The following MTDH variants were observed in gnomAD, a reference collection of about 807,000 sequenced individuals.
The protein encoded by MTDH is metadherin.
A neutral mutation model predicts 72.7 loss-of-function variants in MTDH; 34 were observed. The observed-to-expected ratio is 0.47, with a 90% CI of 0.36 to 0.62. The LOEUF is 0.62. Among genes scored for constraint, MTDH ranks in the 20% least tolerant of loss-of-function variants. MTDH has a pLI of 0.00. For synonymous variants in MTDH, 266 were observed against 268.9 expected (o/e 0.99, Z 0.10); for missense variants, 677 against 699.4 (o/e 0.97, Z 0.36).
intron 2 of MTDH, among the ~76,000 whole-genome samples, chr8:97,683,045 CTTTTTTTTTTTTTTTTTTTTTTTTT>C (rs71271144): frequency 4.5e-5 from 2 of 44,338 alleles, no homozygotes; most frequent in African/African-American, 8.3e-5. Flanking sequence ...CTCTTAGACA[CTTTTTTTTTTTTTTTTTTTTTTTTT>C]TTTTTTTTTT....
chr8:97,676,232 A>G (rs1448122127), intron 2 of MTDH, among the ~76,000 whole-genome samples: 1 of 152,104 alleles, frequency 6.6e-6, no homozygotes, highest in Non-Finnish European at 1.5e-5. Flanking sequence ...GAGCCATTGC[A>G]CCTGGCCACA....
rs1476980174 is a variant in MTDH at position 97,699,795 on chromosome 8, T to C, written c.1090T>C (p.Tyr364His). 1 of 1,613,382 alleles carries C rather than the reference T, an allele frequency of 6.2e-7. No individual in the cohort carries two copies. Among genetic ancestry groups the C allele is most frequent in the Non-Finnish European group, 8.5e-7 (1 of 1,179,470 alleles). ...AGTTTCTCAGTCTACCACTTCTGAT[T>C]ATCAGTGGGATGTTAGCCGTAATCA... ...EPVSQSTTSD[Y>H]QWDVSRNQPY... is the part of the protein sequence containing the mutation. Residue 364 changes from tyrosine to histidine, a missense_variant, in exon 7 of 12, where the codon TAT (tyrosine) becomes CAT (histidine). By Grantham distance (83) the Tyr-to-His change is moderately conservative. Around this residue, in one of 3 missense-constraint regions of MTDH, gnomAD observed 467 missense variants for 469.1 expected, o/e 1.00. Transcript: ENST00000336273.
chr8:97,674,375 G>A (rs1025141931), intron 2 of MTDH, among the ~76,000 whole-genome samples: 4 of 152,220 alleles, frequency 2.6e-5, no homozygotes, highest in Non-Finnish European at 5.9e-5. Context: ...ATTTGTGACA[G>A]TTTTCACACT....
intron 2 of MTDH, among the ~76,000 whole-genome samples, chr8:97,685,139 C>T (rs1191963323): frequency 1.3e-5 from 2 of 151,404 alleles, no homozygotes; most frequent in Non-Finnish European, 2.9e-5. Flanking sequence ...AATTGTGTAC[C>T]TTTAAAAGGG....
intron 10 of MTDH, among the ~76,000 whole-genome samples, chr8:97,721,698 G>A (rs750161016): frequency 6.6e-6 from 1 of 152,152 alleles, no homozygotes; most frequent in Non-Finnish European, 1.5e-5. Context: ...AATTACTGAC[G>A]TTCTTATCAT....
In MTDH at chr8:97,644,517, G is replaced by A. The variant is rs1811477889; in HGVS notation, c.11G>A (p.Arg4Gln). ...CTGACGGGAGGGAAGATGGCTGCAC[G>A]GAGCTGGCAGGACGAGCTGGCCCAG... MAA[R>Q]SWQDELAQQA... The change falls in exon 1 of 12, where the codon CGG becomes CAG. Residue 4 changes from arginine to glutamine, a missense_variant. Coordinates refer to ENST00000336273, the MANE Select transcript of MTDH (RefSeq NM_178812.4). 1 of 1,584,434 alleles carries A rather than the reference G, an allele frequency of 6.3e-7. No individual in the cohort carries two copies. The highest frequency in any genetic ancestry group is 8.5e-7 in the Non-Finnish European group (1 of 1,171,542).
intron 2 of MTDH, among the ~76,000 whole-genome samples, chr8:97,682,796 CTT>C (rs1813189284): frequency 1.3e-5 from 2 of 151,902 alleles, no homozygotes; most frequent in South Asian, 4.2e-4. Context: ...TTAACAGACT[CTT>C]TTCACCTTTT....
At chr8:97,698,982 A>T (rs924215090) in intron 6 of MTDH, among the ~76,000 whole-genome samples, 2 of 151,666 alleles carry the variant, frequency 1.3e-5, no homozygotes, top group Non-Finnish European at 2.9e-5. Flanking sequence ...TCTACGAAAA[A>T]TTTTTTAAAA....
intron 1 of MTDH, among the ~76,000 whole-genome samples, chr8:97,651,851 C>G (rs1432837473): frequency 6.6e-6 from 1 of 152,112 alleles, no homozygotes; most frequent in African/African-American, 2.4e-5. Context: ...CCTATTATTT[C>G]TTGCCTTCTC....
intron 8 of MTDH, among the ~76,000 whole-genome samples, chr8:97,712,979 T>C (rs1157027222): frequency 3.3e-5 from 5 of 152,248 alleles, no homozygotes; most frequent in Admixed American, 6.5e-5. Flanking sequence ...GCTTGTTATT[T>C]CATTCCTTAA....
chr8:97,681,650 C>T (rs1351671822), intron 2 of MTDH, among the ~76,000 whole-genome samples: 2 of 151,926 alleles, frequency 1.3e-5, no homozygotes, highest in Middle Eastern at 3.4e-3. Flanking sequence ...TGCACCAGCA[C>T]GCTTGGCTGA....
Position 97,686,673 on chromosome 8 carries a change from G to GA in MTDH, c.494dup (p.Asn165LysfsTer2). On this transcript the variant is annotated frameshift_variant, in exon 3 of 12. Transcript: ENST00000336273. LOFTEE classifies it high-confidence loss of function. ...ACATTCTATTTTACTTTCAGTCAAA[G>GA]AAAAATAAGAAGAAATCAAAGTCAG... 6.4e-7 allele frequency: 1 copy of GA among 1,555,962 alleles called. No individual in the cohort carries two copies. The highest frequency in any genetic ancestry group is 8.7e-7 in the Non-Finnish European group (1 of 1,152,394).
chr8:97,672,561 A>C (rs143393927), intron 2 of MTDH, among the ~76,000 whole-genome samples: 1 of 152,216 alleles, frequency 6.6e-6, no homozygotes, highest in Admixed American at 6.5e-5. Context: ...TTATCCCTCT[A>C]GACTTTTCTG....
At chr8:97,707,943 A>C (rs1297419334) in intron 8 of MTDH, among the ~76,000 whole-genome samples, 2 of 151,164 alleles carry the variant, frequency 1.3e-5, no homozygotes, top group African/African-American at 4.8e-5. Context: ...AGAAGCCTTT[A>C]ACAAGTGGAT....
chr8:97,687,614 G>A lies in MTDH; in HGVS notation c.745+9G>A, dbSNP rs1813417616. 16 of 1,588,426 alleles carry A rather than the reference G, an allele frequency of 1.0e-5. No homozygotes were observed. In the East Asian group the frequency reaches 1.6e-4, roughly 16 times the overall value. The stretch of plus-strand genomic sequence containing the variant: ...TTCCAAGAAGAATAAAGGTATATTA[G>A]TGGAACATAAGACAGTGGTACATCA... On this transcript the variant is annotated intron_variant, in intron 4 of 11. Coordinates refer to ENST00000336273, the MANE Select transcript of MTDH (RefSeq NM_178812.4).
intron 1 of MTDH, among the ~76,000 whole-genome samples, chr8:97,652,701 CTT>C (rs1811820584): frequency 6.6e-6 from 1 of 152,234 alleles, no homozygotes; most frequent in South Asian, 2.1e-4. Flanking sequence ...AAATTTATCT[CTT>C]AATATATTCC....
intron 7 of MTDH, among the ~76,000 whole-genome samples, chr8:97,701,721 C>T (rs1158351992): frequency 2.0e-5 from 3 of 152,136 alleles, no homozygotes; most frequent in Non-Finnish European, 2.9e-5. Context: ...TGGGTTGAGG[C>T]AGAGGAAAAT....
chr8:97,684,796 G>A (rs1434296510), intron 2 of MTDH, among the ~76,000 whole-genome samples: 1 of 152,172 alleles, frequency 6.6e-6, no homozygotes, highest in African/African-American at 2.4e-5. Context: ...TTTGAGGCTG[G>A]GAGCAGCTCA....
intron 7 of MTDH, among the ~76,000 whole-genome samples, chr8:97,700,341 T>G (rs1423051945): frequency 6.6e-6 from 1 of 152,074 alleles, no homozygotes; most frequent in Non-Finnish European, 1.5e-5. Flanking sequence ...AAAAAAAAAA[T>G]TATGAGTTTT....
Sources: allele counts gnomAD v4.1 joint callset (sites outside exome capture counted in the v4.1 genomes callset), GRCh38; gene constraint gnomAD v4.1.1; regional missense constraint gnomAD v4.1.1; transcripts MANE v1.5; gene names NCBI Gene and HGNC (gene_info 2026-07-23, HGNC 2026-07-21).